ADK: variants seen among roughly 807,000 people sequenced by gnomAD.
ADK encodes the protein adenosine kinase, also known as N6,N6-dimethyladenosine kinase.
In ADK, 24 loss-of-function variants were observed where a neutral mutation model predicts 44.7. That is an observed-to-expected ratio of 0.54 (90% CI 0.39 to 0.76). The LOEUF (loss-of-function observed/expected upper bound fraction) is 0.76, where lower values mean the gene tolerates loss of function less well. ADK is among the 30% of genes least tolerant of loss of function. The probability of loss-of-function intolerance (pLI) is 0.00; values close to 1 mark genes in which losing one functional copy is unlikely to be tolerated. For missense variants in ADK, 321 were observed against 425.1 expected, an observed-to-expected ratio of 0.76 and a Z score of 2.15; for synonymous variants, 128 against 142.6, an observed-to-expected ratio of 0.90 and a Z score of 0.73.
intron 3 of ADK, among the ~76,000 whole-genome samples, chr10:74,273,604 G>A (rs1241850732): frequency 6.6e-6 from 1 of 151,676 alleles, no homozygotes; most frequent in East Asian, 1.9e-4. Flanking sequence ...ATTACAGGTG[G>A]GTGCTACCAC....
At chr10:74,610,953 A>G (rs1182106328) in intron 9 of ADK, among the ~76,000 whole-genome samples, 3 of 152,164 alleles carry the variant, frequency 2.0e-5, no homozygotes, top group Non-Finnish European at 2.9e-5. Flanking sequence ...GGAGAAAGCA[A>G]TACAACTTTT....
At chr10:74,527,572 G>T in intron 7 of ADK, 1 of 755,052 alleles carries the variant, frequency 1.3e-6, no homozygotes, top group Non-Finnish European at 2.5e-6. Context: ...CTCAAATTTG[G>T]AGGATAACGA....
chr10:74,514,564 C>A (rs1260311405), intron 6 of ADK, among the ~76,000 whole-genome samples: 1 of 151,334 alleles, frequency 6.6e-6, no homozygotes, highest in Non-Finnish European at 1.5e-5. Flanking sequence ...TTTTTTATTT[C>A]ATTCATTAAA....
chr10:74,594,967 G>A (rs1437611843), intron 8 of ADK, among the ~76,000 whole-genome samples: 1 of 152,126 alleles, frequency 6.6e-6, no homozygotes, highest in African/African-American at 2.4e-5. Flanking sequence ...CCTGACATCA[G>A]GAGTTCGAGA....
intron 9 of ADK, among the ~76,000 whole-genome samples, chr10:74,635,938 A>T (rs986381867): frequency 6.7e-6 from 1 of 148,382 alleles, no homozygotes; most frequent in African/African-American, 2.5e-5. Context: ...AAAAAAAAAA[A>T]TTAGCTGGGC....
chr10:74,595,080 G>A (rs931097389), intron 8 of ADK, among the ~76,000 whole-genome samples: 4 of 151,394 alleles, frequency 2.6e-5, no homozygotes, highest in Non-Finnish European at 4.4e-5. Flanking sequence ...GGGAGGCTGA[G>A]GCAGGAGAAT....
At chr10:74,511,979 C>G (rs1274915310) in intron 6 of ADK, among the ~76,000 whole-genome samples, 2 of 152,108 alleles carry the variant, frequency 1.3e-5, no homozygotes, top group Non-Finnish European at 2.9e-5. Context: ...TACTTTCCTT[C>G]TATACCTAAT....
intron 10 of ADK, among the ~76,000 whole-genome samples, chr10:74,686,547 T>G (rs2395095): frequency 0.68 from 103,181 of 152,062 alleles, 35,358 homozygotes; most frequent in Middle Eastern, 0.79. Flanking sequence ...ACTTCAAAGC[T>G]GCCATAATTG....
chr10:74,180,208 T>TATTATTA (rs1554826125), intron 1 of ADK, among the ~76,000 whole-genome samples: 1 of 96,506 alleles, frequency 1.0e-5, no homozygotes, highest in Non-Finnish European at 2.7e-5. Context: ...CTCTTTTCTT[T>TATTATTA]TTATTATTAT....
At chr10:74,658,408 C>G (rs1322243137) in intron 9 of ADK, among the ~76,000 whole-genome samples, 1 of 152,122 alleles carries the variant, frequency 6.6e-6, no homozygotes, top group Non-Finnish European at 1.5e-5. Context: ...GAGCTATGAG[C>G]TAAAACAGCA....
chr10:74,644,972 G>T (rs1221146407), intron 9 of ADK, among the ~76,000 whole-genome samples: 1 of 152,074 alleles, frequency 6.6e-6, no homozygotes, highest in Non-Finnish European at 1.5e-5. Flanking sequence ...TCCTCTTTGG[G>T]GAATTAAATA....
chr10:74,158,796 G>A (rs1291759025), intron 1 of ADK, among the ~76,000 whole-genome samples: 1 of 152,088 alleles, frequency 6.6e-6, no homozygotes, highest in African/African-American at 2.4e-5. Flanking sequence ...TCACTGTTCT[G>A]CACTTCTATG....
chr10:74,659,620 G>A (rs148020175), intron 9 of ADK, among the ~76,000 whole-genome samples: 8 of 152,172 alleles, frequency 5.3e-5, no homozygotes, highest in African/African-American at 1.9e-4. Context: ...TATATAAATG[G>A]GAGTTTATTA....
intron 3 of ADK, among the ~76,000 whole-genome samples, chr10:74,294,942 G>A (rs921957498): frequency 5.3e-5 from 8 of 151,964 alleles, no homozygotes; most frequent in African/African-American, 1.4e-4. Context: ...TGCAGCCTCC[G>A]CCTCCTGGGT....
chr10:74,285,227 C>T (rs369423300), intron 3 of ADK, among the ~76,000 whole-genome samples: 2 of 152,048 alleles, frequency 1.3e-5, no homozygotes, highest in African/African-American at 4.8e-5. Flanking sequence ...GGAAGATTAA[C>T]AGAATAGGCT....
At chr10:74,619,570 T>C (rs1259811417) in intron 9 of ADK, among the ~76,000 whole-genome samples, 1 of 152,224 alleles carries the variant, frequency 6.6e-6, no homozygotes, top group East Asian at 1.9e-4. Flanking sequence ...TACCTTGTCA[T>C]CTATTTTTTT....
At chr10:74,412,913 C>T (rs910535810) in intron 6 of ADK, among the ~76,000 whole-genome samples, 1 of 152,142 alleles carries the variant, frequency 6.6e-6, no homozygotes, top group African/African-American at 2.4e-5. Context: ...CAAAAATGAG[C>T]TGGGCATGGT....
intron 4 of ADK, among the ~76,000 whole-genome samples, chr10:74,337,156 C>T (rs139169025): frequency 4.6e-5 from 7 of 152,248 alleles, no homozygotes; most frequent in African/African-American, 1.4e-4. Context: ...ACTTTGGAGA[C>T]GTATGTAACA....
At chr10:74,526,495 C>A (rs190486080) in intron 7 of ADK, among the ~76,000 whole-genome samples, 2 of 152,236 alleles carry the variant, frequency 1.3e-5, no homozygotes, top group East Asian at 3.9e-4. Flanking sequence ...TATTAATCAT[C>A]CCAGAAGTTC....
Sources: gnomAD v4.1 joint callset for allele counts (sites outside exome capture counted in the v4.1 genomes callset) on GRCh38, gnomAD v4.1.1 for gene constraint, MANE v1.5 for transcripts, NCBI Gene and HGNC (gene_info 2026-07-23, HGNC 2026-07-21) for gene names.